The following MEX3C variants were observed in gnomAD, a reference collection of about 807,000 sequenced individuals.
MEX3C encodes the protein RNA-binding E3 ubiquitin-protein ligase MEX3C.
MEX3C carries 15 observed loss-of-function variants against 35.5 expected under a neutral mutation model. The observed-to-expected ratio is 0.42, with a 90% CI of 0.28 to 0.65. The LOEUF (loss-of-function observed/expected upper bound fraction) is 0.65, where lower values mean the gene tolerates loss of function less well. Among genes scored for constraint, MEX3C ranks in the 30% least tolerant of loss-of-function variants. MEX3C has a pLI of 0.20. For synonymous variants in MEX3C, 390 were observed against 352.8 expected, an observed-to-expected ratio of 1.11 and a Z score of -1.18; for missense variants, 711 against 842.8, an observed-to-expected ratio of 0.84 and a Z score of 1.94.
Position 51,176,328 on chromosome 18 carries a change from A to C in MEX3C, c.*23T>G. 6.4e-7 allele frequency: 1 copy of C among 1,566,404 alleles called. No homozygotes were observed. The highest frequency in any genetic ancestry group is 8.7e-7 in the Non-Finnish European group (1 of 1,155,680). ...CCTTTACGAGTCCATATAGAGATAT[A>C]GTATTTATGTATATATATATAGTTA... On this transcript the variant is annotated 3_prime_UTR_variant, in exon 2 of 2. Coordinates refer to ENST00000406189, the MANE Select transcript of MEX3C (RefSeq NM_016626.5).
At chr18:51,185,665 G>A (rs1912520894) in intron 1 of MEX3C, among the ~76,000 whole-genome samples, 1 of 152,020 alleles carries the variant, frequency 6.6e-6, no homozygotes, top group Non-Finnish European at 1.5e-5. Flanking sequence ...CCCAATTCAG[G>A]AATAGTAACC....
Position 51,196,914 on chromosome 18 carries a change from T to G in MEX3C, c.407A>C (p.Glu136Ala). The change falls in exon 1 of 2, where the codon GAG (glutamate) becomes GCG (alanine). Residue 136 changes from glutamate to alanine, a missense_variant. Glu to Ala is a moderately radical substitution (Grantham distance 107, BLOSUM62 -1). Transcript: ENST00000406189. Reference sequence around the variant, plus strand: ...CAGCAGCAGCAGCGACGACCGGTCCTCCTCCTCTGCTTCCTCCAGCTCCTC... The same window carrying G: ...CAGCAGCAGCAGCGACGACCGGTCCGCCTCCTCTGCTTCCTCCAGCTCCTC... ...EEEELEEAEEEDRSSLLLLSP... is the reference protein window; with the variant it reads ...EEEELEEAEEADRSSLLLLSP... 1 of 1,543,374 alleles carries G rather than the reference T, an allele frequency of 6.5e-7. No individual in the cohort carries two copies. Among genetic ancestry groups the G allele is most frequent in the Non-Finnish European group, 8.7e-7 (1 of 1,145,934 alleles).
At position 51,182,296 on chromosome 18, in the gene MEX3C, G is replaced by T. The variant is rs145770738; in HGVS notation, c.755-4720C>A. Among the ~76,000 whole-genome samples the T allele has an allele frequency of 2.1e-4, 32 of 152,190 alleles. No individual in the cohort carries two copies. The East Asian group carries it at 3.7e-3, about 17-fold the overall frequency. On this transcript the variant is annotated intron_variant, in intron 1 of 1. Coordinates refer to ENST00000406189, the MANE Select transcript of MEX3C (RefSeq NM_016626.5). ...TGGGAAGGCATCCCTGTTGGATAAGGGGGGGACTACTGTACAAACAGCAGG... is the reference window on the plus strand; with the variant it reads ...TGGGAAGGCATCCCTGTTGGATAAGTGGGGGACTACTGTACAAACAGCAGG...
intron 1 of MEX3C, among the ~76,000 whole-genome samples, chr18:51,184,567 T>A (rs751516846): frequency 2.6e-5 from 4 of 152,178 alleles, no homozygotes; most frequent in Non-Finnish European, 5.9e-5. Flanking sequence ...TTGTAAGAAG[T>A]AGCTTTTGGC....
At chr18:51,188,174 C>T (rs1912578260) in intron 1 of MEX3C, among the ~76,000 whole-genome samples, 1 of 152,164 alleles carries the variant, frequency 6.6e-6, no homozygotes, top group Non-Finnish European at 1.5e-5. Flanking sequence ...GACAATACTT[C>T]AAACACCTTC....
intron 1 of MEX3C, among the ~76,000 whole-genome samples, chr18:51,189,051 G>GT (rs1912600390): frequency 6.6e-6 from 1 of 152,118 alleles, no homozygotes; most frequent in African/African-American, 2.4e-5. Context: ...CCATAGACTT[G>GT]TTTATCTGTT....
chr18:51,182,190 A>G (rs528699907), intron 1 of MEX3C, among the ~76,000 whole-genome samples: 41 of 152,312 alleles, frequency 2.7e-4, no homozygotes, highest in African/African-American at 9.4e-4. Context: ...ATGTTATCAC[A>G]GGTATGTACA....
At chr18:51,191,966 T>C (rs150570785) in intron 1 of MEX3C, among the ~76,000 whole-genome samples, 2 of 152,282 alleles carry the variant, frequency 1.3e-5, no homozygotes, top group Admixed American at 6.5e-5. Flanking sequence ...AAAATACACA[T>C]ACTAAAACAT....
chr18:51,176,138 C>T lies in MEX3C; in HGVS notation c.*213G>A. 1 of 502,064 alleles carries T rather than the reference C, an allele frequency of 2.0e-6. No individual in the cohort carries two copies. 31.1% of individuals were successfully genotyped at this position (502,064 alleles called of 1,614,324 possible). The stretch of plus-strand genomic sequence containing the variant: ...ATGTCTCTGGGTCTACAGGATAGTA[C>T]TAATAATTCAAACCAAACTAATAGA... On this transcript the variant is annotated 3_prime_UTR_variant, in exon 2 of 2. Coordinates refer to ENST00000406189, the MANE Select transcript of MEX3C (RefSeq NM_016626.5).
At chr18:51,196,458 A>C (rs772015900) in intron 1 of MEX3C, 109 bp downstream of exon 1, 1 of 1,471,760 alleles carries the variant, frequency 6.8e-7, no homozygotes, top group Non-Finnish European at 8.9e-7. Context: ...TTCGCGGTGG[A>C]CTTGGGGGCC....
intron 1 of MEX3C, among the ~76,000 whole-genome samples, chr18:51,190,209 T>C (rs1912624385): frequency 6.6e-6 from 1 of 152,118 alleles, no homozygotes; most frequent in South Asian, 2.1e-4. Flanking sequence ...AGGCAGCAAG[T>C]GCAAAACACA....
Position 51,177,701 on chromosome 18 carries a change from A to G in MEX3C, c.755-125T>C. The G allele has an allele frequency of 8.8e-7, 1 of 1,132,986 alleles. No homozygotes were observed. Among genetic ancestry groups the G allele is most frequent in the Non-Finnish European group, 1.2e-6 (1 of 822,384 alleles). The allele number at this position is 1,132,986 out of a possible 1,614,324, so 70.2% of individuals were successfully genotyped here. A position where few individuals can be genotyped will look rare whatever the true frequency, so the allele number is the denominator to read the frequency against. On this transcript the variant is annotated intron_variant, in intron 1 of 1. Coordinates refer to ENST00000406189, the MANE Select transcript of MEX3C (RefSeq NM_016626.5). This position sits in a 1 kb window ranked among gnomAD's most constrained non-coding sequence, Gnocchi z 4.2. The stretch of plus-strand genomic sequence containing the variant: ...TGGGTTAAGTTTTAGAGTTTTTCAC[A>G]TAGCTAGGAAGTGGCAGAGCCAGAA...
rs145140569 is a variant in MEX3C, at chr18:51,184,090, G to A, written c.755-6514C>T. Among the ~76,000 whole-genome samples the A allele has an allele frequency of 7.6e-3, 1,153 of 152,202 alleles. 4 individuals carry two copies. The highest frequency in any genetic ancestry group is 0.012 in the Non-Finnish European group (822 of 68,010). ...AACCTGGAAGAAGAAAGCAAACAAT[G>A]TATGTTGTAAATTGCCTATGGTGAC... On this transcript the variant is annotated intron_variant, in intron 1 of 1. Transcript: ENST00000406189.
In MEX3C at chr18:51,176,733, T is replaced by G. The variant is rs1912313869; in HGVS notation, c.1598A>C (p.Gln533Pro). ...AGTAGATGGCTGACTTCCTCTGCGC[T>G]GAGTCTTCATGTTACCAGAAGGATC... ...GSDPSGNMKTQRRGSQPSTPR... is the reference protein window; with the variant it reads ...GSDPSGNMKTPRRGSQPSTPR... The change falls in exon 2 of 2, where the codon CAG becomes CCG. Residue 533 changes from glutamine to proline, a missense_variant. This residue lies in a region of MEX3C where 187 missense variants were observed against 201.7 expected (regional missense o/e 0.93). Coordinates refer to ENST00000406189, the MANE Select transcript of MEX3C (RefSeq NM_016626.5). The G allele has an allele frequency of 6.2e-7, 1 of 1,613,890 alleles. No homozygotes were observed. The highest frequency in any genetic ancestry group is 1.7e-5 in the Admixed American group (1 of 60,008).
Position 51,196,706 on chromosome 18 carries a change from G to A in MEX3C, c.615C>T (p.Tyr205=), listed in dbSNP as rs891923302. The change falls in exon 1 of 2, where the codon TAC becomes TAT. Residue 205 remains tyrosine (Y), a synonymous_variant. Coordinates refer to ENST00000406189, the MANE Select transcript of MEX3C (RefSeq NM_016626.5). ...GMMAAMLSHA[Y]GPGGCGAAAA... ...CCGCCGCCCCACAACCGCCGGGGCC[G>A]TAGGCGTGGGACAGCATCGCCGCCA... The A allele has an allele frequency of 1.4e-5, 22 of 1,538,586 alleles. No homozygotes were observed. Among genetic ancestry groups the A allele is most frequent in the African/African-American group, 2.8e-5 (2 of 72,682 alleles).
chr18:51,177,069 A>G lies in MEX3C; in HGVS notation c.1262T>C (p.Leu421Pro). 1 of 1,614,056 alleles carries G rather than the reference A, an allele frequency of 6.2e-7. No individual in the cohort carries two copies. Among genetic ancestry groups the G allele is most frequent in the South Asian group, 1.1e-5 (1 of 91,088 alleles). ...GTDVSFEGGTLGSAWLSSNPV... is the reference protein window; with the variant it reads ...GTDVSFEGGTPGSAWLSSNPV... ...ATTGGAGGAGAGCCACGCAGAGCCA[A>G]GAGTGCCACCTTCAAAGCTTACATC... is the stretch of plus-strand genomic sequence containing the variant. The change falls in exon 2 of 2, where the codon CTT becomes CCT. Residue 421 changes from leucine (L) to proline (P), a missense_variant. Physicochemically the swap from Leu to Pro is moderately conservative, Grantham distance 98. Coordinates refer to ENST00000406189, the MANE Select transcript of MEX3C (RefSeq NM_016626.5). This position sits in a 1 kb window ranked among gnomAD's most constrained non-coding sequence, Gnocchi z 4.2.
In MEX3C at chr18:51,196,951, G is replaced by A. The variant is rs1449347250; in HGVS notation, c.370C>T (p.Leu124=). 6.5e-7 allele frequency: 1 copy of A among 1,543,992 alleles called. No individual in the cohort carries two copies. Among genetic ancestry groups the A allele is most frequent in the Non-Finnish European group, 8.7e-7 (1 of 1,145,782 alleles). ...TCCTCCAGCTCCTCCTCCTCCAGCA[G>A]GTCTCCGTCCAGCTCCGCTTCCTCC... ...EGEEAELDGD[L]LEEEELEEAE... is the part of the protein sequence containing the mutation. Residue 124 remains leucine, a synonymous_variant, in exon 1 of 2, where the codon CTG becomes TTG. Coordinates refer to ENST00000406189, the MANE Select transcript of MEX3C (RefSeq NM_016626.5).
Position 51,197,321 on chromosome 18 carries a change from C to A in MEX3C, c.-1G>T. On this transcript the variant is annotated 5_prime_UTR_variant, in exon 1 of 2. Transcript: ENST00000406189. ...GGGCCGCGGAGCTGCCGCTGGGCAT[C>A]GCGGCGGCGCGCTGTCAATGGCGGC... 4.2e-6 allele frequency: 2 copies of A among 474,914 alleles called. No individual in the cohort carries two copies. Among genetic ancestry groups the A allele is most frequent in the South Asian group, 8.3e-5 (1 of 12,020 alleles). The allele number at this position is 474,914 out of a possible 1,614,324, so 29.4% of individuals were successfully genotyped here.
rs755948788 is a variant in MEX3C at position 51,196,622 on chromosome 18, G to A, written c.699C>T (p.Thr233=). ...CGGAGCTGGGCACCGGGACGCACTC[G>A]GTGGTGTTGACGCTCTTTCTCCGGA... is the stretch of plus-strand genomic sequence containing the variant. ...ALLRRKSVNT[T]ECVPVPSSEH... The change falls in exon 1 of 2, where the codon ACC becomes ACT. Residue 233 remains threonine (T), a synonymous_variant. Transcript: ENST00000406189. 1.9e-6 allele frequency: 3 copies of A among 1,590,726 alleles called. No individual in the cohort carries two copies. The highest frequency in any genetic ancestry group is 2.6e-6 in the Non-Finnish European group (3 of 1,173,966).
Sources: gnomAD v4.1 joint callset for allele counts (sites outside exome capture counted in the v4.1 genomes callset) on GRCh38, gnomAD v4.1.1 for gene constraint, gnomAD v4.1.1 regional missense constraint, Gnocchi (gnomAD v3.1) non-coding constraint, MANE v1.5 for transcripts, NCBI Gene and HGNC (gene_info 2026-07-23, HGNC 2026-07-21) for gene names.